The following DPH6 variants were observed in gnomAD, a reference collection of about 807,000 sequenced individuals.
The protein encoded by DPH6 is diphthamine biosynthesis 6.
DPH6 carries 33 observed loss-of-function variants against 38.2 expected under a neutral mutation model. The observed-to-expected ratio is 0.86, with a 90% CI of 0.65 to 1.15. The LOEUF (loss-of-function observed/expected upper bound fraction) is 1.15, where lower values mean the gene tolerates loss of function less well. DPH6 is among the 50% of genes most tolerant of loss of function. The pLI is 0.00. For synonymous variants in DPH6, 108 were observed against 103.0 expected (o/e 1.05, Z -0.30); for missense variants, 325 against 320.0 (o/e 1.02, Z -0.12).
In DPH6 at chr15:35,397,876, C is replaced by T. The variant is rs1035438767; in HGVS notation, c.567+12959G>A. Among the ~76,000 whole-genome samples, 203 of 138,652 alleles carry T rather than the reference C, an allele frequency of 1.5e-3. 4 individuals carry two copies. The East Asian group carries it at 0.019, about 13-fold the overall frequency. 91.0% of individuals were successfully genotyped at this position (138,652 alleles called of 152,430 possible). On this transcript the variant is annotated intron_variant, in intron 6 of 8. Coordinates refer to ENST00000256538, the MANE Select transcript of DPH6 (RefSeq NM_080650.4). ...GAATCAATTTATATATATACACACA[C>T]ACACACACACACACACACACACACA...
At chr15:35,324,611 T>C (rs187279306) in intron 3 of DPH6, among the ~76,000 whole-genome samples, 127 of 152,236 alleles carry the variant, frequency 8.3e-4, no homozygotes, top group African/African-American at 3.0e-3. Flanking sequence ...CATAAAAGAT[T>C]GTCACTGAAA....
At chr15:35,192,121 T>C in the DPH6 span, among the ~76,000 whole-genome samples, 1 of 152,242 alleles carries the variant, frequency 6.6e-6, no homozygotes, top group Non-Finnish European at 1.5e-5. Context: ...AATTGATGTA[T>C]GCCCTGACTT....
intron 3 of DPH6, among the ~76,000 whole-genome samples, chr15:35,509,271 G>C (rs2054735812): frequency 6.6e-6 from 1 of 152,134 alleles, no homozygotes; most frequent in Non-Finnish European, 1.5e-5. Context: ...AGAGCAGTTT[G>C]TTGAAATAAA....
intron 2 of DPH6, among the ~76,000 whole-genome samples, chr15:35,541,563 TTTAA>T (rs1161175385): frequency 6.6e-6 from 1 of 152,090 alleles, no homozygotes; most frequent in African/African-American, 2.4e-5. Flanking sequence ...ACACCACTCA[TTTAA>T]TTAATCTTAA....
chr15:35,421,136 G>T (rs1266614656), intron 5 of DPH6, among the ~76,000 whole-genome samples: 1 of 152,110 alleles, frequency 6.6e-6, no homozygotes, highest in Non-Finnish European at 1.5e-5. Flanking sequence ...TATTGAGATT[G>T]AATCAGTCAT....
chr15:35,286,105 T>TA (rs2051942285), intron 3 of DPH6, among the ~76,000 whole-genome samples: 1 of 151,980 alleles, frequency 6.6e-6, no homozygotes, highest in Non-Finnish European at 1.5e-5. Context: ...CTGTCCTGGG[T>TA]AAAAAACATC....
intron 6 of DPH6, among the ~76,000 whole-genome samples, chr15:35,391,168 G>A (rs2140958371): frequency 6.6e-6 from 1 of 152,292 alleles, no homozygotes; most frequent in South Asian, 2.1e-4. Context: ...ATATTGGAGA[G>A]CCACAAATGC....
the DPH6 span, among the ~76,000 whole-genome samples, chr15:35,200,969 T>C: frequency 2.9e-5 from 4 of 138,384 alleles, no homozygotes; most frequent in Admixed American, 1.5e-4. Context: ...CCTGCAATTA[T>C]ACCAATAATT....
chr15:35,226,754 C>T (rs1375296706), intron 3 of DPH6, among the ~76,000 whole-genome samples: 1 of 152,198 alleles, frequency 6.6e-6, no homozygotes, highest in Non-Finnish European at 1.5e-5. Context: ...GTTCAGACTA[C>T]CCAAAGCAAT....
chr15:35,153,938 A>T, the DPH6 span, among the ~76,000 whole-genome samples: 4 of 152,158 alleles, frequency 2.6e-5, no homozygotes, highest in Admixed American at 6.6e-5. Context: ...ATTAGTAGAA[A>T]AATTGGGGAA....
chr15:35,185,252 A>G, the DPH6 span, among the ~76,000 whole-genome samples: 1 of 152,184 alleles, frequency 6.6e-6, no homozygotes, highest in South Asian at 2.1e-4. Flanking sequence ...GAAAAGAGTA[A>G]TAACTACAAA....
At chr15:35,259,183 C>T (rs1014238649) in intron 3 of DPH6, among the ~76,000 whole-genome samples, 7 of 151,678 alleles carry the variant, frequency 4.6e-5, no homozygotes, top group Admixed American at 2.0e-4. Context: ...GGTGATCATC[C>T]CTTCCTTGCT....
intron 3 of DPH6, among the ~76,000 whole-genome samples, chr15:35,361,038 C>T (rs1427111274): frequency 6.6e-6 from 1 of 152,156 alleles, no homozygotes; most frequent in Non-Finnish European, 1.5e-5. Flanking sequence ...AAGGTATAAG[C>T]CAACCTGATT....
chr15:35,475,913 A>G (rs1455281181), intron 3 of DPH6, among the ~76,000 whole-genome samples: 2 of 151,926 alleles, frequency 1.3e-5, no homozygotes, highest in Admixed American at 6.6e-5. Flanking sequence ...TAGCTGGAGA[A>G]AAGATACATG....
chr15:35,528,397 T>C lies in DPH6; in HGVS notation c.312+9877A>G, dbSNP rs536683297. Among the ~76,000 whole-genome samples the C allele has an allele frequency of 5.3e-5, 8 of 152,270 alleles. No homozygotes were observed. The South Asian group carries it at 1.7e-3, about 32-fold the overall frequency. On this transcript the variant is annotated intron_variant, in intron 3 of 8. Transcript: ENST00000256538. ...TATCATAATTCATTTTGATTACCAA[T>C]ATCGCTCAGTAAAACTATATAAATT...
Position 35,451,212 on chromosome 15 carries a change from T to C in DPH6, c.387-409A>G, listed in dbSNP as rs80162770. On this transcript the variant is annotated intron_variant, in intron 4 of 8. Coordinates refer to ENST00000256538, the MANE Select transcript of DPH6 (RefSeq NM_080650.4). ...ATTAAATTAACAATAGCTACAGTTA[T>C]GTGAACTATTCTTATCTACTAACTT... is the stretch of plus-strand genomic sequence containing the variant. 7.1e-4 allele frequency among the ~76,000 whole-genome samples: 108 copies of C among 152,310 alleles called. No individual in the cohort carries two copies. The East Asian group carries it at 0.02, about 28-fold the overall frequency.
intron 5 of DPH6, among the ~76,000 whole-genome samples, chr15:35,412,348 C>T (rs1017413963): frequency 6.6e-6 from 1 of 151,608 alleles, no homozygotes; most frequent in African/African-American, 2.4e-5. Context: ...ACACCAAAAG[C>T]TGGCAAGGAT....
Position 35,502,664 on chromosome 15 carries a change from T to C in DPH6, c.312+35610A>G, listed in dbSNP as rs567848051. On this transcript the variant is annotated intron_variant, in intron 3 of 8. Transcript: ENST00000256538. ...AGAAAAACATTTAAAGAGGAATATC[T>C]GAAAAATCTAAAAAAGCTAACTGGA... 3.0e-4 allele frequency among the ~76,000 whole-genome samples: 46 copies of C among 151,846 alleles called. No individual in the cohort carries two copies. The South Asian group carries it at 8.5e-3, about 28-fold the overall frequency.
chr15:35,514,935 T>C (rs2054824615), intron 3 of DPH6, among the ~76,000 whole-genome samples: 1 of 151,954 alleles, frequency 6.6e-6, no homozygotes, highest in Non-Finnish European at 1.5e-5. Flanking sequence ...GTAAGAAAAA[T>C]ATAGGGAATG....
Sources: gnomAD v4.1 joint callset for allele counts (sites outside exome capture counted in the v4.1 genomes callset) on GRCh38, gnomAD v4.1.1 for gene constraint, MANE v1.5 for transcripts, NCBI Gene and HGNC (gene_info 2026-07-23, HGNC 2026-07-21) for gene names.